Variants in ZC3H12B observed in about 807,000 individuals in gnomAD.
ZC3H12B encodes probable ribonuclease ZC3H12B.
In ZC3H12B, 7 loss-of-function variants were observed where a neutral mutation model predicts 43.9. The ratio of observed to expected loss-of-function variants is 0.16; its 90% CI spans 0.09 to 0.30. The LOEUF (loss-of-function observed/expected upper bound fraction) is 0.30. Among genes scored for constraint, ZC3H12B ranks in the 10% least tolerant of loss-of-function variants. ZC3H12B has a pLI of 1.00. For synonymous variants in ZC3H12B, 222 were observed against 241.7 expected (o/e 0.92, Z 0.76); for missense variants, 475 against 670.2 (o/e 0.71, Z 3.22).
chrX:65,311,839 T>C, the ZC3H12B span, among the ~76,000 whole-genome samples: 2 of 111,374 alleles, frequency 1.8e-5, no homozygotes, highest in South Asian at 7.6e-4. Context: ...TTCATGTCCT[T>C]TGCAGGGACA....
chrX:65,150,138 C>T, the ZC3H12B span, among the ~76,000 whole-genome samples: 5 of 110,456 alleles, frequency 4.5e-5, no homozygotes, highest in South Asian at 1.5e-3. Flanking sequence ...ATCTCTTTTC[C>T]CCTTCCTTTC....
the ZC3H12B span, among the ~76,000 whole-genome samples, chrX:65,163,867 C>G: frequency 8.9e-6 from 1 of 112,222 alleles, no homozygotes; most frequent in Non-Finnish European, 1.9e-5. Flanking sequence ...CTGCGTCACT[C>G]ACGCTGGGAG....
the ZC3H12B span, among the ~76,000 whole-genome samples, chrX:65,126,410 C>T: frequency 1.8e-5 from 2 of 111,202 alleles, no homozygotes; most frequent in Non-Finnish European, 3.8e-5. Flanking sequence ...TGCCTCACAT[C>T]TCTTGAGATT....
At chrX:65,123,315 G>T in the ZC3H12B span, among the ~76,000 whole-genome samples, 2 of 111,284 alleles carry the variant, frequency 1.8e-5, no homozygotes, top group East Asian at 5.7e-4. Flanking sequence ...ATGTGCTGCT[G>T]GATTCGGTTT....
chrX:65,126,158 G>A, the ZC3H12B span, among the ~76,000 whole-genome samples: 2 of 109,261 alleles, frequency 1.8e-5, no homozygotes, highest in Non-Finnish European at 3.8e-5. Context: ...GCTCCTTTTA[G>A]CAGTTCTTGT....
At chrX:65,121,629 G>C in the ZC3H12B span, among the ~76,000 whole-genome samples, 1 of 111,050 alleles carries the variant, frequency 9.0e-6, no homozygotes, top group Non-Finnish European at 1.9e-5. Context: ...TTTTTGAAGG[G>C]TTTTTGTGTC....
chrX:65,502,126 C>A (rs1358757786), exon 5 of ZC3H12B: 1 of 1,209,655 alleles, frequency 8.3e-7, no homozygotes, highest in Middle Eastern at 2.3e-4. Context: ...CAATCCCACC[C>A]CCCAAAAGCC....
chrX:65,132,527 G>A, the ZC3H12B span, among the ~76,000 whole-genome samples: 4 of 110,248 alleles, frequency 3.6e-5, no homozygotes, highest in Non-Finnish European at 7.6e-5. Context: ...AGGATGTGAA[G>A]GAGGCTTTGA....
the ZC3H12B span, among the ~76,000 whole-genome samples, chrX:65,313,133 T>A: frequency 6.0e-3 from 668 of 111,788 alleles, 6 homozygotes; most frequent in African/African-American, 0.02. Context: ...TCGCTCATCT[T>A]GGCGTCCCAA....
intron 3 of ZC3H12B, chrX:65,470,226 G>A (rs903010102): frequency 8.2e-6 from 1 of 121,667 alleles, no homozygotes; most frequent in African/African-American, 3.3e-5. Flanking sequence ...GGAGGTGGAG[G>A]GCCGGCCCCT....
the ZC3H12B span, among the ~76,000 whole-genome samples, chrX:65,227,047 AG>A: frequency 9.0e-6 from 1 of 111,505 alleles, no homozygotes; most frequent in Non-Finnish European, 1.9e-5. Flanking sequence ...AGACGTCTAC[AG>A]AACTCTCCAC....
At chrX:65,080,444 C>T in the ZC3H12B span, among the ~76,000 whole-genome samples, 543 of 109,906 alleles carry the variant, frequency 4.9e-3, 5 homozygotes, top group African/African-American at 0.017. Context: ...ATCAAACTCC[C>T]GAAGGTCAAG....
the ZC3H12B span, among the ~76,000 whole-genome samples, chrX:65,126,300 G>A: frequency 6.3e-5 from 7 of 110,894 alleles, no homozygotes; most frequent in African/African-American, 2.3e-4. Flanking sequence ...GTTCCAGGAG[G>A]CTAAAGATAG....
the ZC3H12B span, among the ~76,000 whole-genome samples, chrX:65,236,412 T>C: frequency 7.1e-5 from 8 of 112,187 alleles, no homozygotes; most frequent in South Asian, 2.9e-3. Context: ...TTTTCTTTTA[T>C]ATTTGTTTAA....
intron 2 of ZC3H12B, among the ~76,000 whole-genome samples, chrX:65,387,401 CT>C (rs1248467365): frequency 1.8e-5 from 2 of 111,532 alleles, no homozygotes; most frequent in Non-Finnish European, 3.8e-5. Flanking sequence ...ATTTAATGGC[CT>C]CTTTGTCTCT....
chrX:65,252,084 G>T, the ZC3H12B span, among the ~76,000 whole-genome samples: 1 of 111,809 alleles, frequency 8.9e-6, no homozygotes, highest in Non-Finnish European at 1.9e-5. Context: ...GTCATAAATA[G>T]ATCTTATTAT....
chrX:65,143,816 G>A, the ZC3H12B span, among the ~76,000 whole-genome samples: 4 of 110,168 alleles, frequency 3.6e-5, no homozygotes, highest in African/African-American at 1.3e-4. Context: ...TAATCTGCAT[G>A]TCTTGGCCTC....
intron 3 of ZC3H12B, among the ~76,000 whole-genome samples, chrX:65,411,207 CTG>C (rs1390354685): frequency 8.9e-6 from 1 of 111,819 alleles, no homozygotes; most frequent in African/African-American, 3.3e-5. Context: ...CAGGCACAGA[CTG>C]AGAAATATCA....
At chrX:65,151,254 C>T in the ZC3H12B span, among the ~76,000 whole-genome samples, 3 of 111,505 alleles carry the variant, frequency 2.7e-5, no homozygotes, top group Non-Finnish European at 5.7e-5. Flanking sequence ...AAAATTTTTC[C>T]ATTCAAAATC....
Sources: allele counts gnomAD v4.1 joint callset (sites outside exome capture counted in the v4.1 genomes callset), GRCh38; gene constraint gnomAD v4.1.1; transcripts MANE v1.5; gene names NCBI Gene and HGNC (gene_info 2026-07-23, HGNC 2026-07-21).